The following CPLANE1 variants were observed in gnomAD, a reference collection of about 807,000 sequenced individuals.
CPLANE1 encodes ciliogenesis and planar polarity effector 1.
A neutral mutation model predicts 362.5 loss-of-function variants in CPLANE1; 263 were observed. The ratio of observed to expected loss-of-function variants is 0.73; its 90% CI spans 0.66 to 0.80. The LOEUF is 0.80. Among genes scored for constraint, CPLANE1 ranks in the 30% least tolerant of loss-of-function variants. CPLANE1 has a pLI of 0.00. For synonymous variants in CPLANE1, 1,212 were observed against 1,302.6 expected (o/e 0.93, Z 1.50); for missense variants, 3,461 against 3,793.4 (o/e 0.91, Z 2.30).
intron 9 of CPLANE1, 73 bp from the exon 10 acceptor site, chr5:37,227,890 A>G (rs1192148859): frequency 2.2e-6 from 3 of 1,376,488 alleles, no homozygotes; most frequent in Middle Eastern, 2.2e-4. Flanking sequence ...GTTTTTCAAA[A>G]AAGAAGAAAA....
chr5:37,205,249 A>C, intron 18 of CPLANE1, 66 bp downstream of exon 18: 1 of 1,171,186 alleles, frequency 8.5e-7, no homozygotes, highest in Non-Finnish European at 1.1e-6. Context: ...ACATGTATAA[A>C]CTTTTTAAGG....
At chr5:37,130,306 T>A (rs1210737138) in intron 46 of CPLANE1, 1 of 153,180 alleles carries the variant, frequency 6.5e-6, no homozygotes, top group Non-Finnish European at 1.5e-5. Context: ...GGTTGATGGG[T>A]GCACCAAAAT....
chr5:37,144,454 A>G (rs1402951889), intron 43 of CPLANE1, among the ~76,000 whole-genome samples: 2 of 151,936 alleles, frequency 1.3e-5, no homozygotes, highest in Non-Finnish European at 2.9e-5. Flanking sequence ...GGGCAACAAT[A>G]GCAGAGAAGA....
rs771744900 is a variant in CPLANE1, at chr5:37,201,699, C to G, written c.3399G>C (p.Leu1133=). ...ADILSETFQL[L]IDSAKDFSKR... Reference sequence around the variant, plus strand: ...TACTGAAGTCCTTGGCAGAGTCTATCAGAAGTTGAAATGTCTCCGAAAGAA... The same window carrying G: ...TACTGAAGTCCTTGGCAGAGTCTATGAGAAGTTGAAATGTCTCCGAAAGAA... The change falls in exon 19 of 53, where the codon CTG becomes CTC. Residue 1133 remains leucine, a synonymous_variant. Transcript: ENST00000651892. The G allele has an allele frequency of 6.2e-7, 1 of 1,614,130 alleles. No individual in the cohort carries two copies. The highest frequency in any genetic ancestry group is 8.5e-7 in the Non-Finnish European group (1 of 1,179,990).
intron 46 of CPLANE1, among the ~76,000 whole-genome samples, chr5:37,132,337 GTTT>G (rs70976278): frequency 1.3e-5 from 1 of 77,782 alleles, no homozygotes. Flanking sequence ...GATTGTTCAA[GTTT>G]TTTTTTTTTT....
intron 16 of CPLANE1, chr5:37,211,082 A>G (rs1792462846): frequency 1.1e-6 from 1 of 914,494 alleles, no homozygotes; most frequent in African/African-American, 1.6e-5. Flanking sequence ...CCAATGGATT[A>G]ATAAATGGCA....
chr5:37,231,011 C>T lies in CPLANE1; in HGVS notation c.977G>A (p.Ser326Asn), dbSNP rs1229752578. Residue 326 changes from serine to asparagine, a missense_variant, in exon 9 of 53, where the codon AGT becomes AAT. Coordinates refer to ENST00000651892, the MANE Select transcript of CPLANE1 (RefSeq NM_001384732.1). Reference protein sequence around the residue: ...WVGDISWTHDSLFLACMLKRG... With the variant: ...WVGDISWTHDNLFLACMLKRG... ...TTTTAACATACAAGCCAGAAAAAGA[C>T]TATCATGCGTCCAGCTGATATCACC... 3.9e-6 allele frequency: 6 copies of T among 1,549,344 alleles called. No individual in the cohort carries two copies. In the Admixed American group the frequency reaches 1.2e-4, roughly 31 times the overall value.
intron 4 of CPLANE1, among the ~76,000 whole-genome samples, chr5:37,244,937 G>T (rs1225313338): frequency 6.6e-6 from 1 of 151,924 alleles, no homozygotes; most frequent in Non-Finnish European, 1.5e-5. Context: ...GGATCACGAG[G>T]TCAGGAGATC....
Position 37,213,601 on chromosome 5 carries a change from G to A in CPLANE1, c.2878C>T (p.Pro960Ser). The A allele has an allele frequency of 6.5e-7, 1 of 1,547,294 alleles. No homozygotes were observed. Among genetic ancestry groups the A allele is most frequent in the Non-Finnish European group, 8.7e-7 (1 of 1,144,272 alleles). The stretch of plus-strand genomic sequence containing the variant: ...GGGGGAAGAACATTCACATGATGAG[G>A]GGGCAAAATGCAAAGCTGCTGATTG... ...FTNQQLCILP[P>S]HHVNVLPPLH... The change falls in exon 16 of 53, where the codon CCT (proline) becomes TCT (serine). Residue 960 changes from proline (P) to serine (S), a missense_variant. By Grantham distance (74) the Pro-to-Ser change is moderately conservative (BLOSUM62 -1). Coordinates refer to ENST00000651892, the MANE Select transcript of CPLANE1 (RefSeq NM_001384732.1).
chr5:37,180,875 G>A lies in CPLANE1; in HGVS notation c.5552C>T (p.Ser1851Phe). The A allele has an allele frequency of 6.2e-7, 1 of 1,613,956 alleles. No individual in the cohort carries two copies. The highest frequency in any genetic ancestry group is 8.5e-7 in the Non-Finnish European group (1 of 1,179,916). ...AACTTACTTCAAGATATTTTGACAA[G>A]ATTTATTCTGACCATTTCTTTCCTC... ...GTEERNGQNK[S>F]CQNILNRMPT... Residue 1851 changes from serine (S) to phenylalanine (F), a missense_variant, in exon 27 of 53, where the codon TCT (serine) becomes TTT (phenylalanine). Physicochemically the swap from Ser to Phe is radical, Grantham distance 155. Coordinates refer to ENST00000651892, the MANE Select transcript of CPLANE1 (RefSeq NM_001384732.1).
At chr5:37,113,213 G>A (rs1759847423) in intron 51 of CPLANE1, among the ~76,000 whole-genome samples, 1 of 152,200 alleles carries the variant, frequency 6.6e-6, no homozygotes, top group African/African-American at 2.4e-5. Flanking sequence ...ACGTGCTGTG[G>A]GAGGGACCAG....
Position 37,226,982 on chromosome 5 carries a change from C to G in CPLANE1, c.1613G>C (p.Ser538Thr). 1 of 1,551,772 alleles carries G rather than the reference C, an allele frequency of 6.4e-7. No individual in the cohort carries two copies. ...AAATTCCAATCTTCCTTCCTTCATA[C>G]TACTACACAGCACATCATCTCTTTT... ...WNKRDDVLCS[S>T]MKEGRLEFAS... The change falls in exon 12 of 53, where the codon AGT (serine) becomes ACT (threonine). Residue 538 changes from serine to threonine, a missense_variant. Ser to Thr is a moderately conservative substitution (Grantham distance 58). This residue lies in a region of CPLANE1 where 3,380 missense variants were observed against 3,666.1 expected (regional missense o/e 0.92). Transcript: ENST00000651892.
chr5:37,202,294 T>C (rs1230017217), intron 18 of CPLANE1, among the ~76,000 whole-genome samples: 1 of 151,954 alleles, frequency 6.6e-6, no homozygotes, highest in Admixed American at 6.6e-5. Context: ...CCTGAGTAGC[T>C]GGGATTACAG....
chr5:37,242,498 G>A (rs10068328), intron 6 of CPLANE1, among the ~76,000 whole-genome samples: 31,202 of 152,062 alleles, frequency 0.21, 4,611 homozygotes, highest in African/African-American at 0.42. Context: ...TTCTTTTCCA[G>A]AATAGTTACT....
At chr5:37,223,868 C>G (rs1368493949) in intron 14 of CPLANE1, among the ~76,000 whole-genome samples, 1 of 151,728 alleles carries the variant, frequency 6.6e-6, no homozygotes, top group Non-Finnish European at 1.5e-5. Flanking sequence ...AAAAAAAAAC[C>G]ACATTATTTT....
intron 29 of CPLANE1, 87 bp downstream of exon 29, chr5:37,179,271 ATAT>A: frequency 1.2e-6 from 1 of 840,462 alleles, no homozygotes; most frequent in Non-Finnish European, 1.9e-6. Context: ...CTGCTTTGAT[ATAT>A]TTAATAACAA....
the CPLANE1 span, among the ~76,000 whole-genome samples, chr5:37,083,330 G>A: frequency 3.3e-5 from 5 of 152,070 alleles, no homozygotes; most frequent in African/African-American, 9.7e-5. Flanking sequence ...AAATGAGAAG[G>A]AATCAGAAAA....
chr5:37,245,083 C>A (rs1238068475), intron 4 of CPLANE1, among the ~76,000 whole-genome samples: 2 of 150,562 alleles, frequency 1.3e-5, no homozygotes, highest in Non-Finnish European at 3.0e-5. Context: ...ACCCCGGAGG[C>A]GAGTGAGCTG....
chr5:37,183,410 A>T lies in CPLANE1; in HGVS notation c.4771T>A (p.Ser1591Thr). 6.2e-7 allele frequency: 1 copy of T among 1,613,598 alleles called. No individual in the cohort carries two copies. Among genetic ancestry groups the T allele is most frequent in the African/African-American group, 1.3e-5 (1 of 75,026 alleles). Residue 1591 changes from serine (S) to threonine (T), a missense_variant, in exon 26 of 53, where the codon TCT (serine) becomes ACT (threonine). This residue lies in a region of CPLANE1 where 3,380 missense variants were observed against 3,666.1 expected (regional missense o/e 0.92). Coordinates refer to ENST00000651892, the MANE Select transcript of CPLANE1 (RefSeq NM_001384732.1). ...SGKLREHELN[S>T]LLFDVHTTLK... ...GTTGTATGTACATCAAAAAGTAAAG[A>T]ATTAAGTTCATGTTCTCTAAGCTTT...
Sources: gnomAD v4.1 joint callset for allele counts (sites outside exome capture counted in the v4.1 genomes callset) on GRCh38, gnomAD v4.1.1 for gene constraint, gnomAD v4.1.1 regional missense constraint, MANE v1.5 for transcripts, NCBI Gene and HGNC (gene_info 2026-07-23, HGNC 2026-07-21) for gene names.